The following REC114 variants were observed in gnomAD, a reference collection of about 807,000 sequenced individuals.
REC114 encodes the protein REC114 meiotic recombination protein, also known as meiotic recombination protein REC114.
Under a neutral mutation model 31.3 loss-of-function variants are expected in REC114, and 27 were observed. The ratio of observed to expected loss-of-function variants is 0.86; its 90% confidence interval spans 0.64 to 1.19. The LOEUF (loss-of-function observed/expected upper bound fraction) is 1.19. Among genes scored for constraint, REC114 ranks in the 50% most tolerant of loss-of-function variants. The probability of loss-of-function intolerance (pLI) is 0.00; values close to 1 mark genes in which losing one functional copy is unlikely to be tolerated. For missense variants in REC114, 344 were observed against 326.9 expected, an observed-to-expected ratio of 1.05 and a Z score of -0.40; for synonymous variants, 134 against 127.7, an observed-to-expected ratio of 1.05 and a Z score of -0.33.
At chr15:73,544,661 CGGA>C (rs1894284199) in intron 3 of REC114, among the ~76,000 whole-genome samples, 1 of 152,140 alleles carries the variant, frequency 6.6e-6, no homozygotes, top group African/African-American at 2.4e-5. Context: ...CAGTAACTCA[CGGA>C]GGAGTTTTTA....
chr15:73,555,089 T>G (rs1356563329), intron 4 of REC114, among the ~76,000 whole-genome samples: 1 of 152,174 alleles, frequency 6.6e-6, no homozygotes, highest in African/African-American at 2.4e-5. Flanking sequence ...ACCCCTCTTT[T>G]TTGTTGTTGT....
intron 2 of REC114, among the ~76,000 whole-genome samples, chr15:73,500,728 G>GTTTT (rs58043618): frequency 9.6e-6 from 1 of 103,732 alleles, no homozygotes; most frequent in Non-Finnish European, 2.2e-5. Flanking sequence ...TTCAATTATT[G>GTTTT]TTTTTTTTTT....
Position 73,473,877 on chromosome 15 carries a change from G to A in REC114, c.205G>A (p.Val69Ile), listed in dbSNP as rs1426424825. The A allele has an allele frequency of 6.3e-7, 1 of 1,588,426 alleles. No individual in the cohort carries two copies. Among genetic ancestry groups the A allele is most frequent in the Non-Finnish European group, 8.6e-7 (1 of 1,165,108 alleles). ...ATCTGGATATCTTGTTCTCACCATA[G>A]TTATATCAGGTCATTTCTTCATTTT... ...EESGYLVLTI[V>I]ISGHFFIFQG... is the part of the protein sequence containing the mutation. Residue 69 changes from valine to isoleucine, a missense_variant, in exon 2 of 6, where the codon GTT becomes ATT. Transcript: ENST00000331090.
At chr15:73,502,923 A>G (rs1236846354) in intron 2 of REC114, among the ~76,000 whole-genome samples, 1 of 152,218 alleles carries the variant, frequency 6.6e-6, no homozygotes, top group African/African-American at 2.4e-5. Context: ...TTCTTACTGA[A>G]TTGATTGCAT....
At position 73,514,774 on chromosome 15, in the gene REC114, A is replaced by G. The variant is rs74026205; in HGVS notation, c.250-25711A>G. Reference sequence around the variant, plus strand: ...AGAATATAAGTATACTTTAATAACAATGATAAAATATAAAGAAAGACTAGA... The same window carrying G: ...AGAATATAAGTATACTTTAATAACAGTGATAAAATATAAAGAAAGACTAGA... On this transcript the variant is annotated intron_variant, in intron 2 of 5. Coordinates refer to ENST00000331090, the MANE Select transcript of REC114 (RefSeq NM_001042367.2). Among the ~76,000 whole-genome samples the G allele has an allele frequency of 9.2e-3, 1,405 of 152,280 alleles. 20 individuals carry two copies. Among genetic ancestry groups the G allele is most frequent in the African/African-American group, 0.032 (1,319 of 41,550 alleles).
intron 1 of REC114, among the ~76,000 whole-genome samples, chr15:73,453,583 T>C (rs2151251852): frequency 6.6e-6 from 1 of 152,240 alleles, no homozygotes; most frequent in South Asian, 2.1e-4. Flanking sequence ...GATCTAGAAC[T>C]AGAAATACCA....
At chr15:73,525,712 C>T (rs1893997165) in intron 2 of REC114, among the ~76,000 whole-genome samples, 2 of 152,036 alleles carry the variant, frequency 1.3e-5, no homozygotes, top group Middle Eastern at 3.5e-3. Flanking sequence ...TTTCATTCTT[C>T]TTTTAAAAAC....
chr15:73,458,144 G>GAA lies in REC114; in HGVS notation c.159+14801_159+14802dup, dbSNP rs201381377. ...CCAATTCTGAAGAAAGGGTGGTAGG[G>GAA]AAGAGGGGACAATTCACTAAGTGGT... On this transcript the variant is annotated intron_variant, in intron 1 of 5. Coordinates refer to ENST00000331090, the MANE Select transcript of REC114 (RefSeq NM_001042367.2). Among the ~76,000 whole-genome samples, 410 of 152,320 alleles carry GAA rather than the reference G, an allele frequency of 2.7e-3. 3 individuals carry two copies. The highest frequency in any genetic ancestry group is 9.5e-3 in the African/African-American group (395 of 41,576).
chr15:73,460,198 A>G (rs1050510727), intron 1 of REC114, among the ~76,000 whole-genome samples: 2 of 152,194 alleles, frequency 1.3e-5, no homozygotes, highest in African/African-American at 4.8e-5. Flanking sequence ...CATAGAGGCT[A>G]TGGATTGTTT....
intron 3 of REC114, among the ~76,000 whole-genome samples, chr15:73,545,643 G>A (rs1013310373): frequency 6.6e-6 from 1 of 152,052 alleles, no homozygotes; most frequent in African/African-American, 2.4e-5. Context: ...AAACTACTCT[G>A]TTGCTTTTTT....
At chr15:73,487,104 A>G (rs1893381620) in intron 2 of REC114, among the ~76,000 whole-genome samples, 1 of 152,138 alleles carries the variant, frequency 6.6e-6, no homozygotes, top group African/African-American at 2.4e-5. Context: ...TCATGACTTA[A>G]TCACCTCTTA....
intron 1 of REC114, 28 bp downstream of exon 1, chr15:73,443,372 G>A: frequency 6.5e-7 from 1 of 1,548,286 alleles, no homozygotes; most frequent in Non-Finnish European, 8.7e-7. Flanking sequence ...GAATATCCCT[G>A]AGGTGCCCAC....
At chr15:73,478,263 CAAAAAAAAA>C (rs57210193) in intron 2 of REC114, among the ~76,000 whole-genome samples, 3 of 40,332 alleles carry the variant, frequency 7.4e-5, no homozygotes, top group African/African-American at 1.7e-4. Flanking sequence ...GACTCTGTCT[CAAAAAAAAA>C]AAAAAAAAAA....
At chr15:73,448,963 G>T (rs1479709583) in intron 1 of REC114, among the ~76,000 whole-genome samples, 1 of 152,128 alleles carries the variant, frequency 6.6e-6, no homozygotes, top group Non-Finnish European at 1.5e-5. Flanking sequence ...CAACAAAAAG[G>T]ATGTCTACTC....
At chr15:73,559,485 G>GCAAA (rs1248356382) in intron 5 of REC114, among the ~76,000 whole-genome samples, 3 of 152,124 alleles carry the variant, frequency 2.0e-5, no homozygotes, top group Admixed American at 2.0e-4. Flanking sequence ...TCTCAACTTT[G>GCAAA]CAAACATTTC....
chr15:73,526,472 C>G (rs1894009575), intron 2 of REC114, among the ~76,000 whole-genome samples: 1 of 152,030 alleles, frequency 6.6e-6, no homozygotes, highest in Non-Finnish European at 1.5e-5. Flanking sequence ...GCTACTCCTC[C>G]TTTATCACCA....
At position 73,560,009 on chromosome 15, in the gene REC114, C is replaced by A. The variant is rs1389718224; in HGVS notation, c.*93C>A. The A allele has an allele frequency of 3.4e-6, 4 of 1,184,688 alleles. No homozygotes were observed. In the African/African-American group the frequency reaches 6.4e-5, roughly 19 times the overall value. 73.4% of individuals were successfully genotyped at this position (1,184,688 alleles called of 1,614,324 possible). A position where few individuals can be genotyped will look rare whatever the true frequency, so the allele number is the denominator to read the frequency against. ...AAGATATTAGAATAAAGAGTATTAT[C>A]CAAACACCTTTTATCAATGTTTTAT... On this transcript the variant is annotated 3_prime_UTR_variant, in exon 6 of 6. Coordinates refer to ENST00000331090, the MANE Select transcript of REC114 (RefSeq NM_001042367.2).
At chr15:73,559,135 G>A (rs1004775836) in intron 5 of REC114, among the ~76,000 whole-genome samples, 1 of 152,294 alleles carries the variant, frequency 6.6e-6, no homozygotes, top group East Asian at 1.9e-4. Context: ...AAGGGTTAAG[G>A]GTTTGACGGT....
intron 1 of REC114, among the ~76,000 whole-genome samples, chr15:73,472,578 G>A (rs1434407072): frequency 6.6e-6 from 1 of 152,016 alleles, no homozygotes; most frequent in Non-Finnish European, 1.5e-5. Context: ...TGAACTTTGG[G>A]CATTAAGATG....
Sources: allele counts gnomAD v4.1 joint callset (sites outside exome capture counted in the v4.1 genomes callset), GRCh38; gene constraint gnomAD v4.1.1; transcripts MANE v1.5; gene names NCBI Gene and HGNC (gene_info 2026-07-23, HGNC 2026-07-21).